The following STK4 variants were observed in gnomAD, a reference collection of about 807,000 sequenced individuals.
STK4 encodes the protein serine/threonine kinase 4, also known as serine/threonine-protein kinase 4.
A neutral mutation model predicts 64.9 loss-of-function variants in STK4; 30 were observed. The observed-to-expected ratio is 0.46, with a 90% confidence interval of 0.35 to 0.63. The LOEUF is 0.63. STK4 is among the 20% of genes least tolerant of loss of function. The probability of loss-of-function intolerance (pLI) is 0.01; values close to 1 mark genes in which losing one functional copy is unlikely to be tolerated. For missense variants in STK4, 466 were observed against 598.5 expected (o/e 0.78, Z 2.31); for synonymous variants, 177 against 199.0 (o/e 0.89, Z 0.93).
At position 45,047,717 on chromosome 20, in the gene STK4, G is replaced by A. The variant is rs143507311; in HGVS notation, c.1305+22587G>A. 5.1e-3 allele frequency among the ~76,000 whole-genome samples: 781 copies of A among 152,268 alleles called. 8 individuals carry two copies. Among genetic ancestry groups the A allele is most frequent in the African/African-American group, 0.018 (745 of 41,538 alleles). On this transcript the variant is annotated intron_variant, in intron 10 of 10. Transcript: ENST00000372806. The stretch of plus-strand genomic sequence containing the variant: ...TGTTGGGAATTCCCTTGATCGAATT[G>A]GATAAAGCATAAAGCATTTAGCAAA...
chr20:45,015,486 T>C (rs1266298410), intron 9 of STK4, among the ~76,000 whole-genome samples: 2 of 152,222 alleles, frequency 1.3e-5, no homozygotes, highest in African/African-American at 4.8e-5. Flanking sequence ...TAAACATCTA[T>C]CATCAGAGTA....
chr20:45,004,588 C>T (rs1040964188), intron 9 of STK4: 10 of 150,922 alleles, frequency 6.6e-5, no homozygotes, highest in African/African-American at 2.2e-4. Context: ...CTTTGTCAGA[C>T]GGGTAGATTG....
chr20:44,988,892 C>T, intron 5 of STK4, among the ~76,000 whole-genome samples: 1 of 151,914 alleles, frequency 6.6e-6, no homozygotes, highest in Non-Finnish European at 1.5e-5. Flanking sequence ...ACATAATGTG[C>T]CCTTTTGTTT....
chr20:44,995,299 G>A (rs2067708013), intron 6 of STK4, 42 bp downstream of exon 6: 3 of 1,570,126 alleles, frequency 1.9e-6, no homozygotes, highest in African/African-American at 1.4e-5. Flanking sequence ...GTTAGTTACT[G>A]ATCATCATTA....
At chr20:45,044,351 G>C (rs992417665) in intron 10 of STK4, among the ~76,000 whole-genome samples, 1 of 152,168 alleles carries the variant, frequency 6.6e-6, no homozygotes, top group Non-Finnish European at 1.5e-5. Context: ...ACCAGGCCGG[G>C]TGAATGATAA....
chr20:45,023,538 A>G (rs1041342736), intron 9 of STK4, among the ~76,000 whole-genome samples: 3 of 152,154 alleles, frequency 2.0e-5, no homozygotes, highest in African/African-American at 4.8e-5. Flanking sequence ...ATAAACCCCT[A>G]TGTTCATGGA....
At chr20:45,073,787 G>A (rs981432925) in intron 10 of STK4, among the ~76,000 whole-genome samples, 1 of 152,174 alleles carries the variant, frequency 6.6e-6, no homozygotes, top group Non-Finnish European at 1.5e-5. Flanking sequence ...GAACACTGGT[G>A]TATCCCTGGG....
intron 10 of STK4, among the ~76,000 whole-genome samples, chr20:45,048,594 C>T (rs1326478147): frequency 2.0e-5 from 3 of 152,086 alleles, no homozygotes; most frequent in African/African-American, 7.2e-5. Context: ...CAACCTCTGC[C>T]TCCTGCGTTC....
At chr20:45,043,150 C>T (rs2068639927) in intron 10 of STK4, among the ~76,000 whole-genome samples, 1 of 152,162 alleles carries the variant, frequency 6.6e-6, no homozygotes, top group Admixed American at 6.5e-5. Context: ...TAATCACCTC[C>T]AGCTCCATCC....
chr20:45,053,238 G>T (rs546563327), intron 10 of STK4: 6 of 1,423,114 alleles, frequency 4.2e-6, no homozygotes, highest in Non-Finnish European at 5.9e-6. Context: ...CTGGTGGATC[G>T]TGCTAGCTGA....
intron 1 of STK4, among the ~76,000 whole-genome samples, chr20:44,968,742 A>G (rs1269799418): frequency 6.6e-6 from 1 of 152,234 alleles, no homozygotes; most frequent in Non-Finnish European, 1.5e-5. Flanking sequence ...ATTTTAAAAA[A>G]TGTATTAAAA....
At chr20:45,059,324 A>G (rs753173571) in intron 10 of STK4, among the ~76,000 whole-genome samples, 63 of 152,184 alleles carry the variant, frequency 4.1e-4, no homozygotes, top group Admixed American at 1.2e-3. Context: ...AACAATGTTC[A>G]TCTTTTCACT....
At chr20:45,030,640 G>C (rs982938428) in intron 10 of STK4, among the ~76,000 whole-genome samples, 2 of 152,050 alleles carry the variant, frequency 1.3e-5, no homozygotes, top group Non-Finnish European at 2.9e-5. Context: ...TTGCCTGTTT[G>C]CCAAGTTGAG....
chr20:45,025,458 A>G (rs1025355942), intron 10 of STK4, among the ~76,000 whole-genome samples: 2 of 152,196 alleles, frequency 1.3e-5, no homozygotes, highest in Admixed American at 1.3e-4. Flanking sequence ...ATATTTAAGA[A>G]TTAGATTGGA....
intron 10 of STK4, among the ~76,000 whole-genome samples, chr20:45,029,035 C>T (rs1320700686): frequency 2.0e-5 from 3 of 152,178 alleles, no homozygotes; most frequent in Non-Finnish European, 4.4e-5. Context: ...CAGCAACCAG[C>T]TCACAGACCT....
chr20:44,971,623 G>A (rs1199297953), intron 1 of STK4, among the ~76,000 whole-genome samples: 1 of 150,102 alleles, frequency 6.7e-6, no homozygotes, highest in Non-Finnish European at 1.5e-5. Flanking sequence ...GATTTTGAAG[G>A]ATACATCGAA....
chr20:45,041,483 A>G (rs901377299), intron 10 of STK4, among the ~76,000 whole-genome samples: 3 of 152,098 alleles, frequency 2.0e-5, no homozygotes, highest in African/African-American at 7.2e-5. Context: ...TATGCTTAGT[A>G]TTCTGTTGTG....
At chr20:44,982,181 A>G (rs984051876) in intron 4 of STK4, among the ~76,000 whole-genome samples, 3 of 148,330 alleles carry the variant, frequency 2.0e-5, no homozygotes, top group African/African-American at 5.0e-5. Context: ...GCACAGTCAT[A>G]GCTCACTACA....
At position 45,014,713 on chromosome 20, in the gene STK4, T is replaced by C. The variant is rs575449331; in HGVS notation, c.1148-10260T>C. On this transcript the variant is annotated intron_variant, in intron 9 of 10. Transcript: ENST00000372806. The stretch of plus-strand genomic sequence containing the variant: ...GTACTCATCCACTAAAGATTTGACA[T>C]GCGGCGGTTCTTCCTCTCAGGATTC... 6.6e-5 allele frequency among the ~76,000 whole-genome samples: 10 copies of C among 152,228 alleles called. No individual in the cohort carries two copies. In the South Asian group the frequency reaches 2.1e-3, roughly 32 times the overall value.
Sources: gnomAD v4.1 joint callset for allele counts (sites outside exome capture counted in the v4.1 genomes callset) on GRCh38, gnomAD v4.1.1 for gene constraint, MANE v1.5 for transcripts, NCBI Gene and HGNC (gene_info 2026-07-23, HGNC 2026-07-21) for gene names.